Variants in SRRM1 observed in about 807,000 individuals in gnomAD.
SRRM1 encodes serine and arginine repetitive matrix 1, also known as serine/arginine repetitive matrix protein 1.
A neutral mutation model predicts 110.2 loss-of-function variants in SRRM1; 19 were observed. The ratio of observed to expected loss-of-function variants is 0.17; its 90% confidence interval spans 0.12 to 0.25. The LOEUF (loss-of-function observed/expected upper bound fraction) is 0.25. Among genes scored for constraint, SRRM1 ranks in the 10% least tolerant of loss-of-function variants. SRRM1 has a pLI of 1.00. For synonymous variants in SRRM1, 443 were observed against 414.9 expected (o/e 1.07, Z -0.82); for missense variants, 918 against 1,145.8 (o/e 0.80, Z 2.87).
chr1:24,660,858 T>C, intron 10 of SRRM1, 59 bp downstream of exon 10: 1 of 1,300,750 alleles, frequency 7.7e-7, no homozygotes, highest in Non-Finnish European at 1.1e-6. Flanking sequence ...TTCTTAAAGC[T>C]GATTTTGATT....
intron 3 of SRRM1, chr1:24,647,837 G>A (rs947059799): frequency 1.3e-5 from 2 of 152,282 alleles, no homozygotes; most frequent in Admixed American, 6.5e-5. Context: ...TTTTTTAAAT[G>A]ATGATTGAAG....
At chr1:24,658,243 C>T (rs1665305530) in intron 9 of SRRM1, among the ~76,000 whole-genome samples, 1 of 139,486 alleles carries the variant, frequency 7.2e-6, no homozygotes, top group South Asian at 2.2e-4. Context: ...CGGAGTCTTG[C>T]TCTGTCGCCC....
intron 3 of SRRM1, chr1:24,647,254 CACAA>C (rs1185022892): frequency 6.5e-6 from 1 of 153,114 alleles, no homozygotes; most frequent in Non-Finnish European, 1.5e-5. Flanking sequence ...CAACAAAAAA[CACAA>C]ACAGGAAAGA....
intron 8 of SRRM1, chr1:24,654,402 T>C: frequency 3.3e-6 from 4 of 1,226,210 alleles, no homozygotes; most frequent in Non-Finnish European, 4.3e-6. Flanking sequence ...GAGAGGCCCC[T>C]GCTTCTAAGT....
rs1022604064 is a variant in SRRM1 at position 24,669,365 on chromosome 1, G to A, written c.1982G>A (p.Arg661Lys). ...RRSPSLSSKH[R>K]KGSSPSRSTR... is the part of the protein sequence containing the mutation. ...TCACCTTCATTATCATCCAAGCATA[G>A]GAAAGGGTCTTCCCCAAGCCGCTCT... The change falls in exon 14 of 17, where the codon AGG becomes AAG. Residue 661 changes from arginine to lysine, a missense_variant. Arg to Lys is a conservative substitution (Grantham distance 26). Transcript: ENST00000323848. 27 of 1,614,142 alleles carry A rather than the reference G, an allele frequency of 1.7e-5. No homozygotes were observed. Among genetic ancestry groups the A allele is most frequent in the South Asian group, 2.2e-5 (2 of 91,086 alleles).
At chr1:24,661,941 C>G (rs1054652058) in intron 11 of SRRM1, among the ~76,000 whole-genome samples, 3 of 151,928 alleles carry the variant, frequency 2.0e-5, no homozygotes, top group Non-Finnish European at 4.4e-5. Flanking sequence ...CAAAAATTAA[C>G]CGGGCATAGT....
intron 9 of SRRM1, among the ~76,000 whole-genome samples, chr1:24,657,148 A>G (rs936600093): frequency 1.3e-5 from 2 of 152,150 alleles, no homozygotes; most frequent in Non-Finnish European, 2.9e-5. Context: ...TGGCCCAGTC[A>G]TAGCTCACTG....
At chr1:24,646,383 C>T (rs1254541078) in intron 2 of SRRM1, among the ~76,000 whole-genome samples, 1 of 151,848 alleles carries the variant, frequency 6.6e-6, no homozygotes, top group Non-Finnish European at 1.5e-5. Context: ...AAAAATTAGC[C>T]GGGCGTGGTG....
intron 12 of SRRM1, among the ~76,000 whole-genome samples, chr1:24,664,776 A>C (rs577614602): frequency 6.6e-6 from 1 of 152,206 alleles, no homozygotes; most frequent in African/African-American, 2.4e-5. Context: ...TTTCCCAGCT[A>C]TAATTATCTC....
At chr1:24,666,106 C>A (rs1044431831) in intron 12 of SRRM1, among the ~76,000 whole-genome samples, 8 of 152,162 alleles carry the variant, frequency 5.3e-5, no homozygotes, top group African/African-American at 1.9e-4. Context: ...TTAGCCCAGA[C>A]CTGGTAGGCA....
In SRRM1 at chr1:24,648,802, T is replaced by G. The variant is rs908186136; in HGVS notation, c.235-57T>G. ...TAAATGAGTTTTAGGTTGGTTGATT[T>G]GTTGGTTGGTTGGTTTTGAAGTAAC... is the stretch of plus-strand genomic sequence containing the variant. On this transcript the variant is annotated intron_variant, in intron 3 of 16. Coordinates refer to ENST00000323848, the MANE Select transcript of SRRM1 (RefSeq NM_005839.4). 1.4e-5 allele frequency: 21 copies of G among 1,527,938 alleles called. No individual in the cohort carries two copies. The African/African-American group carries it at 2.8e-4, about 20-fold the overall frequency. The allele number at this position is 1,527,938 out of a possible 1,614,324, so 94.6% of individuals were successfully genotyped here. A position where few individuals can be genotyped will look rare whatever the true frequency, so the allele number is the denominator to read the frequency against.
chr1:24,652,785 A>G (rs974478126), intron 7 of SRRM1, 128 bp from the exon 8 acceptor site: 14 of 1,368,278 alleles, frequency 1.0e-5, no homozygotes, highest in South Asian at 1.5e-5. Flanking sequence ...TGTGTACCAT[A>G]AAAATCTACA....
intron 1 of SRRM1, among the ~76,000 whole-genome samples, chr1:24,643,956 G>T (rs370043261): frequency 6.6e-6 from 1 of 152,188 alleles, no homozygotes; most frequent in Admixed American, 6.5e-5. Flanking sequence ...GGAGGGGGAC[G>T]TAGATAACTT....
intron 9 of SRRM1, 54 bp from the exon 10 acceptor site, chr1:24,660,665 T>C: frequency 1.1e-6 from 1 of 891,372 alleles, no homozygotes; most frequent in Non-Finnish European, 1.7e-6. Flanking sequence ...GAAAAGCATC[T>C]TGTATAGACC....
Position 24,670,260 on chromosome 1 carries a change from C to T in SRRM1, c.2345C>T (p.Pro782Leu), listed in dbSNP as rs1343188931. The T allele has an allele frequency of 1.9e-6, 3 of 1,613,982 alleles. No homozygotes were observed. Among genetic ancestry groups the T allele is most frequent in the Non-Finnish European group, 2.5e-6 (3 of 1,180,034 alleles). Residue 782 changes from proline to leucine, a missense_variant, in exon 15 of 17, where the codon CCA (proline) becomes CTA (leucine). Pro to Leu is a moderately conservative substitution (Grantham distance 98, BLOSUM62 -3). Coordinates refer to ENST00000323848, the MANE Select transcript of SRRM1 (RefSeq NM_005839.4). ...CAGTCACCGTCTACAAACTGGTCACCAGCTGTACCGGTCAAAAAGGCCAAA... is the reference window on the plus strand; with the variant it reads ...CAGTCACCGTCTACAAACTGGTCACTAGCTGTACCGGTCAAAAAGGCCAAA... ...QSQSPSTNWS[P>L]AVPVKKAKSP...
chr1:24,654,367 TAAC>T (rs2148418094), intron 8 of SRRM1: 3 of 1,289,024 alleles, frequency 2.3e-6, no homozygotes, highest in African/African-American at 3.0e-5. Context: ...CAACAGAACT[TAAC>T]ACAAATTTTG....
chr1:24,651,274 A>G (rs545010081), intron 5 of SRRM1, 135 bp from the exon 6 acceptor site: 9 of 687,550 alleles, frequency 1.3e-5, no homozygotes, highest in African/African-American at 1.8e-5. Context: ...TTAGGTTAGC[A>G]TGTCTTATTT....
At chr1:24,647,809 C>G (rs982614499) in intron 3 of SRRM1, 12 of 152,256 alleles carry the variant, frequency 7.9e-5, no homozygotes, top group African/African-American at 2.9e-4. Context: ...CTTAGAAAAC[C>G]AGGAACAGGG....
chr1:24,653,465 A>G (rs545599421), intron 8 of SRRM1, among the ~76,000 whole-genome samples: 1 of 152,316 alleles, frequency 6.6e-6, no homozygotes, highest in African/African-American at 2.4e-5. Context: ...AAATTCTCAG[A>G]AAATTCTCAT....
Sources: gnomAD v4.1 joint callset for allele counts (sites outside exome capture counted in the v4.1 genomes callset) on GRCh38, gnomAD v4.1.1 for gene constraint, MANE v1.5 for transcripts, NCBI Gene and HGNC (gene_info 2026-07-23, HGNC 2026-07-21) for gene names.